PTPRD: variants seen among roughly 807,000 people sequenced by gnomAD.
The protein encoded by PTPRD is protein tyrosine phosphatase receptor type D, also known as receptor-type tyrosine-protein phosphatase delta.
PTPRD carries 34 observed loss-of-function variants against 214.5 expected under a neutral mutation model. The ratio of observed to expected loss-of-function variants is 0.16; its 90% CI spans 0.12 to 0.21. The LOEUF (loss-of-function observed/expected upper bound fraction) is 0.21, where lower values mean the gene tolerates loss of function less well. Among genes scored for constraint, PTPRD ranks in the 10% least tolerant of loss-of-function variants. The pLI, the probability that PTPRD is intolerant of heterozygous loss-of-function variation, is 1.00. For missense variants in PTPRD, 2,545 were observed against 2,398.7 expected, an observed-to-expected ratio of 1.06 and a Z score of -1.27; for synonymous variants, 1,128 against 845.7, an observed-to-expected ratio of 1.33 and a Z score of -5.79.
At chr9:9,961,065 C>A (rs371949355) in intron 4 of PTPRD, among the ~76,000 whole-genome samples, 177 of 87,748 alleles carry the variant, frequency 2.0e-3, no homozygotes, top group Non-Finnish European at 4.1e-4. Context: ...AAAAAATGCT[C>A]ATCATCACTG....
chr9:8,737,628 C>T (rs1449609840), intron 11 of PTPRD, among the ~76,000 whole-genome samples: 1 of 151,950 alleles, frequency 6.6e-6, no homozygotes, highest in African/African-American at 2.4e-5. Flanking sequence ...CAGCAGAAGC[C>T]AACCCTTTGA....
chr9:9,980,578 C>G (rs1463030158), intron 4 of PTPRD, among the ~76,000 whole-genome samples: 1 of 124,966 alleles, frequency 8.0e-6, no homozygotes. Flanking sequence ...CACTGCACTC[C>G]AGCTTGGGTA....
chr9:8,496,615 G>C (rs905700538), intron 26 of PTPRD, among the ~76,000 whole-genome samples: 4 of 152,088 alleles, frequency 2.6e-5, no homozygotes, highest in African/African-American at 9.7e-5. Flanking sequence ...AATATGTATG[G>C]GTAAAGTGAA....
intron 8 of PTPRD, among the ~76,000 whole-genome samples, chr9:9,443,519 G>A (rs1386833720): frequency 2.6e-5 from 4 of 152,318 alleles, no homozygotes; most frequent in Admixed American, 6.5e-5. Context: ...CCAGATCAAG[G>A]CCAAGCCTGT....
intron 11 of PTPRD, among the ~76,000 whole-genome samples, chr9:8,827,583 G>A (rs766652462): frequency 6.6e-6 from 1 of 152,112 alleles, no homozygotes; most frequent in South Asian, 2.1e-4. Flanking sequence ...CTCCAGCCTG[G>A]GCAATAGAGT....
chr9:9,660,220 T>C (rs1468737308), intron 7 of PTPRD, among the ~76,000 whole-genome samples: 1 of 152,002 alleles, frequency 6.6e-6, no homozygotes, highest in East Asian at 1.9e-4. Flanking sequence ...AGATTTTGGA[T>C]ATTATTTTAG....
intron 14 of PTPRD, among the ~76,000 whole-genome samples, chr9:8,595,599 G>C (rs546825373): frequency 2.6e-5 from 4 of 152,278 alleles, no homozygotes; most frequent in Middle Eastern, 3.4e-3. Context: ...AACAGTTTAA[G>C]AGCATCAAGA....
chr9:9,803,281 C>T (rs1418575502), intron 5 of PTPRD, among the ~76,000 whole-genome samples: 8 of 151,200 alleles, frequency 5.3e-5, no homozygotes, highest in Admixed American at 5.3e-4. Flanking sequence ...GTCAGTAAAC[C>T]GCTCAGTGAT....
chr9:10,147,897 A>G (rs1199907818), intron 3 of PTPRD, among the ~76,000 whole-genome samples: 1 of 96,542 alleles, frequency 1.0e-5, no homozygotes, highest in African/African-American at 4.0e-5. Flanking sequence ...ATAAATACAT[A>G]AAAACATAAA....
intron 11 of PTPRD, among the ~76,000 whole-genome samples, chr9:8,938,892 C>T (rs1213064981): frequency 6.6e-6 from 1 of 152,130 alleles, no homozygotes; most frequent in Non-Finnish European, 1.5e-5. Context: ...CCCTTCATTG[C>T]CATGTAATAA....
chr9:8,950,868 G>C (rs2099098068), intron 11 of PTPRD, among the ~76,000 whole-genome samples: 1 of 151,936 alleles, frequency 6.6e-6, no homozygotes, highest in Non-Finnish European at 1.5e-5. Context: ...TACTCTACTT[G>C]TTCAGATTTT....
Position 9,195,741 on chromosome 9 carries a change from A to G in PTPRD, c.-202-12378T>C, listed in dbSNP as rs139549046. Among the ~76,000 whole-genome samples the G allele has an allele frequency of 3.0e-4, 45 of 152,142 alleles. 1 individual carries two copies. The East Asian group carries it at 8.3e-3, about 28-fold the overall frequency. ...CAAAAAAAAAAAAAAGTGTATACAA[A>G]GACAATTTTAGGAAGTATACATAGG... On this transcript the variant is annotated intron_variant, in intron 9 of 45. Transcript: ENST00000381196.
chr9:10,052,292 C>A (rs946005830), intron 3 of PTPRD, among the ~76,000 whole-genome samples: 18 of 152,116 alleles, frequency 1.2e-4, no homozygotes, highest in African/African-American at 4.3e-4. Flanking sequence ...AAGAAGGAAA[C>A]TTTCTCTAAG....
chr9:9,998,384 G>T (rs2096220934), intron 4 of PTPRD, among the ~76,000 whole-genome samples: 1 of 151,650 alleles, frequency 6.6e-6, no homozygotes, highest in Non-Finnish European at 1.5e-5. Context: ...AGGAAAAAAA[G>T]TAGACCTCCT....
intron 2 of PTPRD, among the ~76,000 whole-genome samples, chr9:10,584,694 T>A (rs866388679): frequency 3.9e-5 from 6 of 152,134 alleles, no homozygotes; most frequent in Non-Finnish European, 7.4e-5. Context: ...CATATATCAG[T>A]AGAAATAAGT....
chr9:10,242,135 T>A (rs58742674), intron 3 of PTPRD, among the ~76,000 whole-genome samples: 528 of 152,058 alleles, frequency 3.5e-3, no homozygotes, highest in African/African-American at 0.012. Flanking sequence ...TGTGATCAAT[T>A]TAGCATAAAT....
At chr9:8,514,106 C>T (rs2097736467) in intron 21 of PTPRD, among the ~76,000 whole-genome samples, 1 of 151,954 alleles carries the variant, frequency 6.6e-6, no homozygotes, top group South Asian at 2.1e-4. Flanking sequence ...CTCAGTTGCC[C>T]CTCTGATAAT....
rs1381658566 is a variant in PTPRD at position 9,689,441 on chromosome 9, CAT to C, written c.-287+45090_-287+45091del. On this transcript the variant is annotated intron_variant, in intron 7 of 45. Coordinates refer to ENST00000381196, the MANE Select transcript of PTPRD (RefSeq NM_002839.4). Reference sequence around the variant, plus strand: ...TGTAACTTTTGATGCATTTATATAACATGTAATATATCTATGATCTTAAATAT... The same window carrying C: ...TGTAACTTTTGATGCATTTATATAACGTAATATATCTATGATCTTAAATAT... Among the ~76,000 whole-genome samples the C allele has an allele frequency of 7.2e-5, 11 of 151,792 alleles. 1 individual carries two copies. Among genetic ancestry groups the C allele is most frequent in the Admixed American group, 5.9e-4 (9 of 15,174 alleles).
chr9:10,059,564 C>G (rs1184848506), intron 3 of PTPRD, among the ~76,000 whole-genome samples: 1 of 152,056 alleles, frequency 6.6e-6, no homozygotes, highest in Non-Finnish European at 1.5e-5. Context: ...TATGACCTTA[C>G]TTTGAATTAG....
Sources: gnomAD v4.1 joint callset for allele counts (sites outside exome capture counted in the v4.1 genomes callset) on GRCh38, gnomAD v4.1.1 for gene constraint, MANE v1.5 for transcripts, NCBI Gene and HGNC (gene_info 2026-07-23, HGNC 2026-07-21) for gene names.